Variants in SLC36A4 observed in about 807,000 individuals in gnomAD.
SLC36A4 encodes neutral amino acid uniporter 4.
Under a neutral mutation model 50.5 loss-of-function variants are expected in SLC36A4, and 49 were observed. The ratio of observed to expected loss-of-function variants is 0.97; its 90% confidence interval spans 0.77 to 1.23. The LOEUF is 1.23. SLC36A4 is among the 50% of genes most tolerant of loss of function. SLC36A4 has a pLI of 0.00. For missense variants in SLC36A4, 611 were observed against 608.4 expected, an observed-to-expected ratio of 1.00 and a Z score of -0.05; for synonymous variants, 207 against 206.5, an observed-to-expected ratio of 1.00 and a Z score of -0.02.
intron 10 of SLC36A4, 138 bp downstream of exon 10, chr11:93,153,970 T>C: frequency 4.6e-6 from 2 of 430,446 alleles, no homozygotes; most frequent in Non-Finnish European, 7.7e-6. Flanking sequence ...GTAACCCAGC[T>C]GGGTGAATAA....
chr11:93,189,065 C>CT lies in SLC36A4; in HGVS notation c.56-3252dup, dbSNP rs1052134962. On this transcript the variant is annotated intron_variant, in intron 1 of 10. Transcript: ENST00000326402. The stretch of plus-strand genomic sequence containing the variant: ...CCTCCCTACTCCAGCAAAGCCTCAC[C>CT]TTTTTTTTTTTTTTAGACAAGAGTT... Among the ~76,000 whole-genome samples, 1,135 of 141,342 alleles carry CT rather than the reference C, an allele frequency of 8.0e-3. 6 individuals are homozygous for CT. The highest frequency in any genetic ancestry group is 9.4e-3 in the Non-Finnish European group (606 of 64,134). 92.7% of individuals were successfully genotyped at this position (141,342 alleles called of 152,430 possible).
chr11:93,197,547 C>T (rs1312423555), intron 1 of SLC36A4: 2 of 550,298 alleles, frequency 3.6e-6, no homozygotes, highest in East Asian at 3.4e-5. Flanking sequence ...CACGCGCGCG[C>T]GCAAACACAC....
chr11:93,157,533 G>A (rs912293315), intron 9 of SLC36A4, among the ~76,000 whole-genome samples: 24 of 152,232 alleles, frequency 1.6e-4, no homozygotes, highest in African/African-American at 5.5e-4. Flanking sequence ...GCAGTGTTTT[G>A]TAATTCTTGT....
intron 8 of SLC36A4, among the ~76,000 whole-genome samples, chr11:93,164,674 C>A (rs1180565753): frequency 6.6e-6 from 1 of 152,138 alleles, no homozygotes; most frequent in Non-Finnish European, 1.5e-5. Flanking sequence ...GGTGGCAGTG[C>A]AGCAAGGGAG....
At chr11:93,192,939 A>C (rs1162185582) in intron 1 of SLC36A4, 1 of 154,036 alleles carries the variant, frequency 6.5e-6, no homozygotes, top group Non-Finnish European at 1.4e-5. Context: ...AATGTATATG[A>C]AGTTATTATA....
At chr11:93,177,274 C>T (rs1385957171) in intron 6 of SLC36A4, among the ~76,000 whole-genome samples, 1 of 152,146 alleles carries the variant, frequency 6.6e-6, no homozygotes, top group Non-Finnish European at 1.5e-5. Flanking sequence ...TCACGTAGTT[C>T]CCATGCCATG....
At chr11:93,156,889 G>A (rs1860390411) in intron 9 of SLC36A4, among the ~76,000 whole-genome samples, 1 of 152,106 alleles carries the variant, frequency 6.6e-6, no homozygotes, top group South Asian at 2.1e-4. Context: ...CACTTTTGTT[G>A]CAATTGCTTT....
chr11:93,178,831 G>A (rs1011406874), intron 6 of SLC36A4, among the ~76,000 whole-genome samples: 2 of 152,138 alleles, frequency 1.3e-5, no homozygotes, highest in East Asian at 1.9e-4. Flanking sequence ...ACATAGTACT[G>A]GAAGTCCTAG....
intron 6 of SLC36A4, among the ~76,000 whole-genome samples, chr11:93,168,863 C>T (rs1389488984): frequency 3.3e-5 from 5 of 151,910 alleles, no homozygotes; most frequent in Admixed American, 3.3e-4. Context: ...GATTTCAAAA[C>T]AAATATGATT....
intron 1 of SLC36A4, among the ~76,000 whole-genome samples, chr11:93,190,407 A>C (rs1413658146): frequency 6.6e-6 from 1 of 152,200 alleles, no homozygotes; most frequent in East Asian, 1.9e-4. Flanking sequence ...AAGGATAAAT[A>C]TTTGAGATAA....
Position 93,148,736 on chromosome 11 carries a change from G to T in SLC36A4, c.1316C>A (p.Thr439Lys). The T allele has an allele frequency of 1.2e-6, 2 of 1,612,900 alleles. No individual in the cohort carries two copies. The highest frequency in any genetic ancestry group is 1.7e-6 in the Non-Finnish European group (2 of 1,179,312). ...TATATTATAATGTTCCTTCGAAAAT[G>T]TAAGAATTTCAACCAAAGGTGGCAG... ...LILPPLVEIL[T>K]FSKEHYNIWM... The change falls in exon 11 of 11, where the codon ACA becomes AAA. Residue 439 changes from threonine to lysine, a missense_variant. Transcript: ENST00000326402.
chr11:93,166,039 A>G (rs1860845008), intron 7 of SLC36A4, 23 bp from the exon 8 acceptor site: 1 of 1,534,888 alleles, frequency 6.5e-7, no homozygotes, highest in Non-Finnish European at 8.9e-7. Flanking sequence ...AGAAAAAAAG[A>G]AGACCAGTTA....
intron 6 of SLC36A4, among the ~76,000 whole-genome samples, chr11:93,178,978 C>T (rs960433625): frequency 2.0e-5 from 3 of 152,124 alleles, no homozygotes; most frequent in African/African-American, 7.2e-5. Context: ...GATAGGAAAA[C>T]AGCTGTGAAG....
At chr11:93,179,367 G>C (rs1861635610) in intron 6 of SLC36A4, among the ~76,000 whole-genome samples, 1 of 152,140 alleles carries the variant, frequency 6.6e-6, no homozygotes, top group South Asian at 2.1e-4. Flanking sequence ...CTGTCTAGTG[G>C]TGAAAAATAA....
chr11:93,149,961 A>C (rs1860003259), intron 10 of SLC36A4, among the ~76,000 whole-genome samples: 1 of 152,030 alleles, frequency 6.6e-6, no homozygotes. Context: ...TTACTTCAAA[A>C]TGAAAAGTTT....
At position 93,148,447 on chromosome 11, in the gene SLC36A4, AT is replaced by A. The variant is rs35521969; in HGVS notation, c.*89del. On this transcript the variant is annotated 3_prime_UTR_variant, in exon 11 of 11. Coordinates refer to ENST00000326402, the MANE Select transcript of SLC36A4 (RefSeq NM_152313.4). ...GCCAAAGAAAACAGAGTTTGTTACC[AT>A]TTTTATGTATATAGCAATGTATTTT... 1.2e-5 allele frequency: 13 copies of A among 1,128,838 alleles called. No homozygotes were observed. In the African/African-American group the frequency reaches 1.9e-4, roughly 16 times the overall value. The allele number at this position is 1,128,838 out of a possible 1,614,324, so 69.9% of individuals were successfully genotyped here.
chr11:93,159,876 T>A, intron 9 of SLC36A4: 1 of 985,398 alleles, frequency 1.0e-6, no homozygotes, highest in African/African-American at 1.7e-5. Context: ...TCTGAGACTT[T>A]GCCAATCTGT....
chr11:93,177,748 G>C (rs920969899), intron 6 of SLC36A4, among the ~76,000 whole-genome samples: 5 of 152,130 alleles, frequency 3.3e-5, no homozygotes, highest in African/African-American at 4.8e-5. Flanking sequence ...CGTCTCAGAG[G>C]GGGACCCGGC....
intron 9 of SLC36A4, chr11:93,159,801 T>C (rs1379254791): frequency 1.8e-5 from 18 of 984,752 alleles, no homozygotes; most frequent in Non-Finnish European, 2.2e-5. Context: ...CTCTAATCCA[T>C]ACTTGCTTTA....
Sources: allele counts gnomAD v4.1 joint callset (sites outside exome capture counted in the v4.1 genomes callset), GRCh38; gene constraint gnomAD v4.1.1; transcripts MANE v1.5; gene names NCBI Gene and HGNC (gene_info 2026-07-23, HGNC 2026-07-21).